The following KIAA1328 variants were observed in gnomAD, a reference collection of about 807,000 sequenced individuals.
KIAA1328 encodes the protein KIAA1328, also known as protein hinderin.
In KIAA1328, 52 loss-of-function variants were observed where a neutral mutation model predicts 68.1. The observed-to-expected ratio is 0.76, with a 90% CI of 0.61 to 0.96. The LOEUF (loss-of-function observed/expected upper bound fraction) is 0.96. Ranked by LOEUF, KIAA1328 falls within the 40% of genes least tolerant of loss-of-function variation. KIAA1328 has a pLI of 0.00. For missense variants in KIAA1328, 641 were observed against 677.6 expected, an observed-to-expected ratio of 0.95 and a Z score of 0.60; for synonymous variants, 232 against 239.4, an observed-to-expected ratio of 0.97 and a Z score of 0.28.
intron 9 of KIAA1328, among the ~76,000 whole-genome samples, chr18:37,191,887 T>G (rs1033668377): frequency 6.6e-6 from 1 of 152,174 alleles, no homozygotes; most frequent in Admixed American, 6.5e-5. Context: ...TCTTTCATGA[T>G]TTTGCCCTTT....
chr18:36,864,815 A>G (rs951969471), intron 4 of KIAA1328, among the ~76,000 whole-genome samples: 7 of 151,748 alleles, frequency 4.6e-5, no homozygotes, highest in East Asian at 1.9e-4. Context: ...CAAGTTGTCT[A>G]TTTCATCTTG....
intron 7 of KIAA1328, among the ~76,000 whole-genome samples, chr18:37,114,117 G>A (rs144919615): frequency 0.017 from 2,555 of 152,132 alleles, 65 homozygotes; most frequent in African/African-American, 0.059. Context: ...GAAAGTTAAC[G>A]AGGATATCCA....
intron 6 of KIAA1328, among the ~76,000 whole-genome samples, chr18:36,974,349 A>G (rs2052375183): frequency 6.6e-6 from 1 of 152,022 alleles, no homozygotes; most frequent in Admixed American, 6.6e-5. Flanking sequence ...TGAGTCTCCA[A>G]TGTCTATTAT....
chr18:36,944,276 G>A (rs2050812698), intron 5 of KIAA1328, among the ~76,000 whole-genome samples: 1 of 152,092 alleles, frequency 6.6e-6, no homozygotes, highest in Non-Finnish European at 1.5e-5. Context: ...TTGAAGCTGT[G>A]GTAGAATATA....
intron 6 of KIAA1328, among the ~76,000 whole-genome samples, chr18:37,020,122 CT>C (rs1032657510): frequency 2.0e-5 from 3 of 149,668 alleles, no homozygotes; most frequent in East Asian, 3.9e-4. Flanking sequence ...ATAGGTATTT[CT>C]TTTTTTTTTC....
chr18:37,201,188 A>G (rs1004831436), intron 9 of KIAA1328, among the ~76,000 whole-genome samples: 2 of 152,238 alleles, frequency 1.3e-5, no homozygotes, highest in Admixed American at 6.5e-5. Flanking sequence ...AATTTTCTCA[A>G]AAGTAAAACA....
intron 9 of KIAA1328, among the ~76,000 whole-genome samples, chr18:37,179,344 T>C (rs1488199831): frequency 6.6e-6 from 1 of 152,242 alleles, no homozygotes; most frequent in Non-Finnish European, 1.5e-5. Flanking sequence ...TTCCATTGTA[T>C]GTTCTTCACA....
At chr18:36,832,450 G>A (rs904389971) in intron 1 of KIAA1328, among the ~76,000 whole-genome samples, 1 of 152,036 alleles carries the variant, frequency 6.6e-6, no homozygotes. Context: ...TTAGCCAGGT[G>A]TGGCGGCGGG....
intron 6 of KIAA1328, among the ~76,000 whole-genome samples, chr18:37,039,363 T>A (rs2055152841): frequency 6.6e-6 from 1 of 152,072 alleles, no homozygotes; most frequent in Non-Finnish European, 1.5e-5. Context: ...AATGTTTTTT[T>A]CAATACCAAT....
intron 7 of KIAA1328, among the ~76,000 whole-genome samples, chr18:37,104,317 A>G (rs1429742306): frequency 2.6e-5 from 4 of 152,218 alleles, no homozygotes; most frequent in African/African-American, 9.6e-5. Flanking sequence ...ATTTATACAC[A>G]AATACCATTA....
intron 6 of KIAA1328, among the ~76,000 whole-genome samples, chr18:37,038,668 A>G (rs1227008843): frequency 6.6e-6 from 1 of 151,876 alleles, no homozygotes; most frequent in African/African-American, 2.4e-5. Flanking sequence ...AAAATGTTTC[A>G]CTTTCTTTTC....
At chr18:37,115,249 G>A (rs548679635) in intron 7 of KIAA1328, among the ~76,000 whole-genome samples, 29 of 152,192 alleles carry the variant, frequency 1.9e-4, no homozygotes, top group African/African-American at 5.3e-4. Context: ...GAAGAACATC[G>A]ATGCAAAAAT....
intron 7 of KIAA1328, among the ~76,000 whole-genome samples, chr18:37,113,951 A>C (rs2058023655): frequency 6.6e-6 from 1 of 152,254 alleles, no homozygotes; most frequent in African/African-American, 2.4e-5. Context: ...TTCACCAAGA[A>C]GAGCCAACCA....
chr18:36,932,209 A>AAGT (rs2050336256), intron 5 of KIAA1328, among the ~76,000 whole-genome samples: 1 of 152,156 alleles, frequency 6.6e-6, no homozygotes, highest in Non-Finnish European at 1.5e-5. Flanking sequence ...TCAAATGAAA[A>AAGT]AGTTTGAGAT....
At chr18:36,861,809 C>T (rs954775112) in intron 4 of KIAA1328, among the ~76,000 whole-genome samples, 3 of 152,044 alleles carry the variant, frequency 2.0e-5, no homozygotes, top group African/African-American at 7.2e-5. Flanking sequence ...GCTGAGACTA[C>T]AGGCATGCAC....
chr18:37,031,099 T>G (rs1266613883), intron 6 of KIAA1328, among the ~76,000 whole-genome samples: 1 of 152,222 alleles, frequency 6.6e-6, no homozygotes, highest in Admixed American at 6.5e-5. Flanking sequence ...ACATTTTGGT[T>G]GGTTCCAAGT....
chr18:36,895,018 A>C (rs992740462), intron 5 of KIAA1328, among the ~76,000 whole-genome samples: 1 of 152,086 alleles, frequency 6.6e-6, no homozygotes, highest in Non-Finnish European at 1.5e-5. Flanking sequence ...TTTCCTACTT[A>C]TTACATCTAA....
In KIAA1328 at chr18:37,225,040, C is replaced by T; in HGVS notation, c.*2813C>T. 1 of 985,406 alleles carries T rather than the reference C, an allele frequency of 1.0e-6. No individual in the cohort carries two copies. The highest frequency in any genetic ancestry group is 1.2e-6 in the Non-Finnish European group (1 of 829,942). 61.0% of individuals were successfully genotyped at this position (985,406 alleles called of 1,614,324 possible). On this transcript the variant is annotated 3_prime_UTR_variant, in exon 10 of 10. Coordinates refer to ENST00000280020, the MANE Select transcript of KIAA1328 (RefSeq NM_020776.3). ...CCATGATGGGGACTTTTCTAGAGCA[C>T]CCCAAATGTCATGGGGAGAGAGGGA...
intron 4 of KIAA1328, among the ~76,000 whole-genome samples, chr18:36,871,406 C>G (rs961934639): frequency 5.3e-5 from 8 of 152,072 alleles, no homozygotes; most frequent in Admixed American, 5.2e-4. Context: ...TGCCTTTTTG[C>G]TGATGATGTT....
Sources: gnomAD v4.1 joint callset for allele counts (sites outside exome capture counted in the v4.1 genomes callset) on GRCh38, gnomAD v4.1.1 for gene constraint, MANE v1.5 for transcripts, NCBI Gene and HGNC (gene_info 2026-07-23, HGNC 2026-07-21) for gene names.